LRP1B: variants seen among roughly 807,000 people sequenced by gnomAD.
The protein encoded by LRP1B is LDL receptor related protein 1B, also known as low-density lipoprotein receptor-related protein 1B.
Under a neutral mutation model 556.6 loss-of-function variants are expected in LRP1B, and 217 were observed. The ratio of observed to expected loss-of-function variants is 0.39; its 90% CI spans 0.35 to 0.44. LRP1B has a LOEUF of 0.44. Among genes scored for constraint, LRP1B ranks in the 20% least tolerant of loss-of-function variants. LRP1B has a pLI of 1.00. For synonymous variants in LRP1B, 2,047 were observed against 1,865.8 expected (o/e 1.10, Z -2.50); for missense variants, 5,053 against 5,620.8 (o/e 0.90, Z 3.23).
At chr2:140,769,046 A>G (rs1689211993) in intron 35 of LRP1B, among the ~76,000 whole-genome samples, 167 bp downstream of exon 35, 1 of 151,690 alleles carries the variant, frequency 6.6e-6, no homozygotes, top group Non-Finnish European at 1.5e-5. Flanking sequence ...TTTTTCAGAC[A>G]CTACACATTT....
chr2:141,976,476 A>G (rs2105086067), intron 1 of LRP1B, among the ~76,000 whole-genome samples: 1 of 152,254 alleles, frequency 6.6e-6, no homozygotes, highest in South Asian at 2.1e-4. Flanking sequence ...CTGATAGATA[A>G]GTAATCTAGG....
chr2:141,034,098 G>A (rs1025076730), intron 11 of LRP1B, among the ~76,000 whole-genome samples: 5 of 151,954 alleles, frequency 3.3e-5, no homozygotes, highest in African/African-American at 1.2e-4. Flanking sequence ...ATCTCTTTTA[G>A]TTTTTATTAG....
chr2:141,702,171 G>A (rs1335327974), intron 2 of LRP1B, among the ~76,000 whole-genome samples: 1 of 151,866 alleles, frequency 6.6e-6, no homozygotes, highest in Non-Finnish European at 1.5e-5. Flanking sequence ...TGGCATGGAG[G>A]TAGGAATGAC....
At chr2:141,813,297 G>C (rs1266996996) in intron 1 of LRP1B, among the ~76,000 whole-genome samples, 1 of 152,136 alleles carries the variant, frequency 6.6e-6, no homozygotes, top group Non-Finnish European at 1.5e-5. Flanking sequence ...AAATAGAACA[G>C]AGATGGGGAC....
At chr2:141,004,474 G>C (rs939199531) in intron 15 of LRP1B, among the ~76,000 whole-genome samples, 5 of 152,000 alleles carry the variant, frequency 3.3e-5, no homozygotes, top group Non-Finnish European at 7.4e-5. Context: ...AGCACTTCCT[G>C]GGTCTGTCTG....
chr2:141,473,966 C>A (rs1394747395), intron 3 of LRP1B, among the ~76,000 whole-genome samples: 1 of 151,804 alleles, frequency 6.6e-6, no homozygotes, highest in African/African-American at 2.4e-5. Context: ...TAAAGAGCTG[C>A]AAATTCATTT....
intron 1 of LRP1B, among the ~76,000 whole-genome samples, chr2:141,997,875 G>C (rs1702544431): frequency 6.6e-6 from 1 of 151,508 alleles, no homozygotes; most frequent in Non-Finnish European, 1.5e-5. Flanking sequence ...ACCCTTTTTT[G>C]GAGGAAACTC....
intron 2 of LRP1B, among the ~76,000 whole-genome samples, chr2:141,629,648 AC>A (rs1320835685): frequency 1.3e-5 from 2 of 152,134 alleles, no homozygotes; most frequent in African/African-American, 4.8e-5. Context: ...TACTGCCTTC[AC>A]CCTTTCCACC....
intron 66 of LRP1B, among the ~76,000 whole-genome samples, chr2:140,406,458 C>CA: frequency 6.6e-6 from 1 of 152,168 alleles, no homozygotes; most frequent in Non-Finnish European, 1.5e-5. Context: ...AAGACCCCAC[C>CA]AAAAGGCTCC....
At chr2:140,867,857 G>A (rs2105154605) in intron 26 of LRP1B, 23 bp from the exon 27 acceptor site, 1 of 1,495,958 alleles carries the variant, frequency 6.7e-7, no homozygotes, top group East Asian at 2.4e-5. Flanking sequence ...AAATACATGA[G>A]TAGTTTGTCA....
chr2:141,695,365 T>C (rs1265390274), intron 2 of LRP1B, among the ~76,000 whole-genome samples: 1 of 152,024 alleles, frequency 6.6e-6, no homozygotes, highest in Non-Finnish European at 1.5e-5. Context: ...CATGGAAATA[T>C]GCCTGACCTA....
rs559670336 is a variant in LRP1B, at chr2:141,952,304, A to G, written c.83-141903T>C. On this transcript the variant is annotated intron_variant, in intron 1 of 90. Coordinates refer to ENST00000389484, the MANE Select transcript of LRP1B (RefSeq NM_018557.3). ...CTTTGCTATTGTGAATAGTGCCGCAATAAACATACATGTGCATGTGTCTTT... is the reference window on the plus strand; with the variant it reads ...CTTTGCTATTGTGAATAGTGCCGCAGTAAACATACATGTGCATGTGTCTTT... Among the ~76,000 whole-genome samples, 3 of 152,212 alleles carry G rather than the reference A, an allele frequency of 2.0e-5. No homozygotes were observed. The South Asian group carries it at 6.2e-4, about 32-fold the overall frequency.
At chr2:141,506,032 C>T (rs1379712816) in intron 2 of LRP1B, among the ~76,000 whole-genome samples, 1 of 152,006 alleles carries the variant, frequency 6.6e-6, no homozygotes, top group Admixed American at 6.6e-5. Context: ...AGTGTGACAA[C>T]CCTGTTAGGG....
intron 1 of LRP1B, among the ~76,000 whole-genome samples, chr2:141,950,550 G>A (rs1240553289): frequency 6.6e-6 from 1 of 151,864 alleles, no homozygotes; most frequent in Non-Finnish European, 1.5e-5. Context: ...ACTCCTCTTG[G>A]GCATTTTAAT....
At chr2:140,450,046 T>C (rs1219648707) in intron 63 of LRP1B, among the ~76,000 whole-genome samples, 5 of 152,198 alleles carry the variant, frequency 3.3e-5, no homozygotes, top group Non-Finnish European at 7.3e-5. Context: ...GTAATATCTT[T>C]AGAGCAATTG....
At chr2:141,388,512 A>G (rs1689923907) in intron 3 of LRP1B, among the ~76,000 whole-genome samples, 1 of 152,140 alleles carries the variant, frequency 6.6e-6, no homozygotes, top group African/African-American at 2.4e-5. Flanking sequence ...CTACTTCAAT[A>G]TAATAAAGGA....
At chr2:140,285,026 G>GTGTGTGTATATATATATATATATA (rs1553439389) in intron 84 of LRP1B, among the ~76,000 whole-genome samples, 3 of 144,616 alleles carry the variant, frequency 2.1e-5, no homozygotes, top group African/African-American at 7.6e-5. Context: ...GTGTGTGTGT[G>GTGTGTGTATATATATATATATATA]TATATATATA....
intron 2 of LRP1B, among the ~76,000 whole-genome samples, chr2:141,517,432 G>T (rs1008296195): frequency 1.3e-5 from 2 of 152,094 alleles, no homozygotes; most frequent in African/African-American, 2.4e-5. Flanking sequence ...AGTGTTGATG[G>T]TGTATTCTCA....
At chr2:141,892,957 T>C (rs1699335667) in intron 1 of LRP1B, among the ~76,000 whole-genome samples, 1 of 152,170 alleles carries the variant, frequency 6.6e-6, no homozygotes, top group Non-Finnish European at 1.5e-5. Flanking sequence ...TTCTGGTTCA[T>C]TTGCTTTAGT....
Sources: allele counts gnomAD v4.1 joint callset (sites outside exome capture counted in the v4.1 genomes callset), GRCh38; gene constraint gnomAD v4.1.1; transcripts MANE v1.5; gene names NCBI Gene and HGNC (gene_info 2026-07-23, HGNC 2026-07-21).